Variants in ZNF717 observed in about 807,000 individuals in gnomAD.
ZNF717 encodes zinc finger protein 717.
Under a neutral mutation model 13.8 loss-of-function variants are expected in ZNF717, and 9 were observed. The observed-to-expected ratio is 0.65, with a 90% confidence interval of 0.39 to 1.14. The LOEUF is 1.14. Ranked by LOEUF, ZNF717 falls within the 50% of genes most tolerant of loss-of-function variation. The pLI is 0.01. For missense variants in ZNF717, 1,040 were observed against 1,080.7 expected (o/e 0.96, Z 0.53); for synonymous variants, 327 against 364.1 (o/e 0.90, Z 1.16).
intron 1 of ZNF717, among the ~76,000 whole-genome samples, chr3:75,784,368 A>G (rs1381100421): frequency 6.6e-6 from 1 of 152,272 alleles, no homozygotes; most frequent in Admixed American, 6.5e-5. Flanking sequence ...CTAAGTGAAC[A>G]GAATTCAATA....
In ZNF717 at chr3:75,755,673, G is replaced by A. The variant is rs982679598; in HGVS notation, c.58-13937C>T. Among the ~76,000 whole-genome samples the A allele has an allele frequency of 1.2e-4, 19 of 152,304 alleles. No homozygotes were observed. The South Asian group carries it at 2.1e-3, about 17-fold the overall frequency. Reference sequence around the variant, plus strand: ...GTTATATGAAAGTGGACTTGAATTGGTTGTAAATGTATATTGCAAATTCTA... The same window carrying A: ...GTTATATGAAAGTGGACTTGAATTGATTGTAAATGTATATTGCAAATTCTA... On this transcript the variant is annotated intron_variant, in intron 2 of 4. Coordinates refer to ENST00000652011, the MANE Select transcript of ZNF717 (RefSeq NM_001290208.3).
At chr3:75,728,070 GA>G (rs1938326294), downstream of ZNF717, among the ~76,000 whole-genome samples, 1 of 152,250 alleles carries the variant, frequency 6.6e-6, no homozygotes, top group South Asian at 2.1e-4. Context: ...TAGGGAAAGT[GA>G]CTGATATTCA....
intron 6 of ZNF717, among the ~76,000 whole-genome samples, chr3:75,701,935 A>C: frequency 6.6e-6 from 1 of 152,310 alleles, no homozygotes; most frequent in Non-Finnish European, 1.5e-5. Flanking sequence ...AAAATGAGAT[A>C]TCATTTCACC....
intron 2 of ZNF717, among the ~76,000 whole-genome samples, chr3:75,776,640 T>C (rs1366763963): frequency 2.0e-4 from 30 of 152,156 alleles, no homozygotes; most frequent in Admixed American, 1.9e-3. Context: ...ACCATAAACT[T>C]TGGGTTCATA....
At chr3:75,778,113 G>A (rs560241389) in intron 2 of ZNF717, among the ~76,000 whole-genome samples, 170 of 150,844 alleles carry the variant, frequency 1.1e-3, no homozygotes, top group African/African-American at 3.7e-3. Context: ...TGCTAAAACC[G>A]GAACCCAAAA....
rs557324871 is a variant in ZNF717 at position 75,737,696 on chromosome 3, CTG to C, written c.1925_1926del (p.Thr642ArgfsTer8). 2.9e-4 allele frequency: 452 copies of C among 1,545,068 alleles called. No homozygotes were observed. In the African/African-American group the frequency reaches 3.7e-3, roughly 13 times the overall value. On this transcript the variant is annotated frameshift_variant, in exon 5 of 5. Coordinates refer to ENST00000652011, the MANE Select transcript of ZNF717 (RefSeq NM_001290208.3). LOFTEE classifies it low-confidence loss of function (END_TRUNC). ...SNLSTHQGTH[T>X]GEKPYVCNEC... ...TCATTACATACGTAAGGTTTCTCTC[CTG>C]TGTGAGTTCCCTGATGGGTGCTGAG...
chr3:75,718,957 C>T (rs1332613728), intron 4 of ZNF717, among the ~76,000 whole-genome samples: 4 of 152,020 alleles, frequency 2.6e-5, no homozygotes, highest in Non-Finnish European at 5.9e-5. Context: ...TATTTATAGT[C>T]CTGTTTGAGG....
At chr3:75,780,166 G>C (rs1344836394) in intron 2 of ZNF717, among the ~76,000 whole-genome samples, 3 of 147,938 alleles carry the variant, frequency 2.0e-5, no homozygotes, top group African/African-American at 7.6e-5. Context: ...TGGAGCTGAC[G>C]TGCTAAAACT....
intron 5 of ZNF717, among the ~76,000 whole-genome samples, chr3:75,712,895 AT>A (rs1189309017): frequency 6.6e-6 from 1 of 151,776 alleles, no homozygotes; most frequent in East Asian, 2.0e-4. Flanking sequence ...TTTCTTATAC[AT>A]TTTTTCTTAT....
At chr3:75,740,927 ACATT>A (rs1392920845) in intron 4 of ZNF717, among the ~76,000 whole-genome samples, 1 of 151,320 alleles carries the variant, frequency 6.6e-6, no homozygotes, top group Non-Finnish European at 1.5e-5. Flanking sequence ...CACTTAAGAT[ACATT>A]CAAAGGATAA....
At chr3:75,714,064 A>G (rs1245154532) in intron 5 of ZNF717, among the ~76,000 whole-genome samples, 2 of 152,144 alleles carry the variant, frequency 1.3e-5, no homozygotes, top group Non-Finnish European at 2.9e-5. Context: ...CTAAAAGGTG[A>G]GCCAGGCATA....
intron 6 of ZNF717, among the ~76,000 whole-genome samples, chr3:75,701,437 G>A (rs1173975803): frequency 1.4e-4 from 22 of 151,962 alleles, no homozygotes; most frequent in African/African-American, 3.4e-4. Flanking sequence ...TTGGGAAGCC[G>A]AGGCTGCTGG....
At chr3:75,725,210 GCAC>G (rs1938255035), downstream of ZNF717, among the ~76,000 whole-genome samples, 184 of 151,262 alleles carry the variant, frequency 1.2e-3, no homozygotes, top group African/African-American at 4.3e-3. Context: ...CCATCAGCCT[GCAC>G]TCCTCTCACT....
intron 5 of ZNF717, among the ~76,000 whole-genome samples, chr3:75,712,112 T>C (rs1419959211): frequency 6.6e-6 from 1 of 152,090 alleles, no homozygotes; most frequent in Non-Finnish European, 1.5e-5. Flanking sequence ...GTTACAAGAG[T>C]TGACAAAAGG....
chr3:75,773,558 A>T (rs1023658086), intron 2 of ZNF717, among the ~76,000 whole-genome samples: 2 of 144,636 alleles, frequency 1.4e-5, no homozygotes, highest in African/African-American at 5.1e-5. Flanking sequence ...AAAGTGGCTC[A>T]TATCTGTTTT....
intron 2 of ZNF717, among the ~76,000 whole-genome samples, chr3:75,776,152 C>A (rs1173920837): frequency 2.6e-5 from 4 of 152,272 alleles, no homozygotes; most frequent in Non-Finnish European, 5.9e-5. Context: ...ACCAGGATGG[C>A]CGCCTTGTCC....
intron 2 of ZNF717, among the ~76,000 whole-genome samples, chr3:75,778,498 G>A (rs1280909947): frequency 5.9e-5 from 9 of 151,300 alleles, no homozygotes; most frequent in Admixed American, 1.3e-4. Flanking sequence ...TGCTAAAACC[G>A]GAACGCAAAA....
At chr3:75,703,998 A>G (rs1261722063) in intron 6 of ZNF717, among the ~76,000 whole-genome samples, 2,681 of 143,810 alleles carry the variant, frequency 0.019, no homozygotes, top group African/African-American at 0.072. Flanking sequence ...TAAATGTCCT[A>G]GGAGTGTAGC....
chr3:75,715,237 T>A (rs1380351439), intron 5 of ZNF717, among the ~76,000 whole-genome samples: 1 of 152,210 alleles, frequency 6.6e-6, no homozygotes, highest in Non-Finnish European at 1.5e-5. Context: ...AAGCTGGGAC[T>A]CAATAAATTG....
Sources: gnomAD v4.1 joint callset for allele counts (sites outside exome capture counted in the v4.1 genomes callset) on GRCh38, gnomAD v4.1.1 for gene constraint, MANE v1.5 for transcripts, NCBI Gene and HGNC (gene_info 2026-07-23, HGNC 2026-07-21) for gene names.